Variants in NTRK3 observed in about 807,000 individuals in gnomAD.
NTRK3 encodes the protein neurotrophic receptor tyrosine kinase 3.
NTRK3 carries 24 observed loss-of-function variants against 91.7 expected under a neutral mutation model. The observed-to-expected ratio is 0.26, with a 90% CI of 0.19 to 0.37. The LOEUF (loss-of-function observed/expected upper bound fraction) is 0.37. NTRK3 is among the 10% of genes least tolerant of loss of function. The probability of loss-of-function intolerance (pLI) is 1.00; values close to 1 mark genes in which losing one functional copy is unlikely to be tolerated. For synonymous variants in NTRK3, 483 were observed against 404.0 expected, an observed-to-expected ratio of 1.20 and a Z score of -2.34; for missense variants, 880 against 1,068.9, an observed-to-expected ratio of 0.82 and a Z score of 2.46.
At chr15:88,013,952 T>TA (rs1393368103) in intron 14 of NTRK3, among the ~76,000 whole-genome samples, 3 of 152,044 alleles carry the variant, frequency 2.0e-5, no homozygotes, top group Admixed American at 2.0e-4. Flanking sequence ...TCAATTTTTT[T>TA]AAAAAAAGAC....
At chr15:88,023,170 G>C (rs1299947187) in intron 14 of NTRK3, among the ~76,000 whole-genome samples, 1 of 152,180 alleles carries the variant, frequency 6.6e-6, no homozygotes, top group Non-Finnish European at 1.5e-5. Flanking sequence ...TTGAGGCTGA[G>C]ACTCTGTGGA....
chr15:88,139,481 G>A (rs758529009), intron 6 of NTRK3, among the ~76,000 whole-genome samples: 18 of 152,136 alleles, frequency 1.2e-4, no homozygotes, highest in African/African-American at 3.4e-4. Flanking sequence ...TCAGGAAAAC[G>A]TGAGGCTCCT....
intron 14 of NTRK3, among the ~76,000 whole-genome samples, chr15:88,002,168 GTT>G (rs770668339): frequency 2.2e-3 from 157 of 70,146 alleles, no homozygotes; most frequent in South Asian, 3.9e-3. Context: ...GATAGTGGTT[GTT>G]TTTTTTTTTT....
intron 3 of NTRK3, among the ~76,000 whole-genome samples, chr15:88,249,174 G>C (rs2053123639): frequency 6.6e-6 from 1 of 152,152 alleles, no homozygotes; most frequent in Admixed American, 6.5e-5. Context: ...CAGGAGGACT[G>C]GGGGCAGAGG....
chr15:87,964,153 C>T (rs2072570850), intron 14 of NTRK3, among the ~76,000 whole-genome samples: 1 of 152,042 alleles, frequency 6.6e-6, no homozygotes, highest in South Asian at 2.1e-4. Flanking sequence ...ACATTTATAT[C>T]TGTTTGTATA....
intron 14 of NTRK3, among the ~76,000 whole-genome samples, chr15:87,952,413 G>T (rs2071215657): frequency 6.6e-6 from 1 of 152,132 alleles, no homozygotes; most frequent in Admixed American, 6.5e-5. Context: ...AGCTCTGTTG[G>T]GCTGCTCTGG....
chr15:88,230,397 C>A (rs144424986), intron 3 of NTRK3, among the ~76,000 whole-genome samples: 182 of 152,270 alleles, frequency 1.2e-3, no homozygotes, highest in Non-Finnish European at 2.1e-3. Flanking sequence ...ATTTTGGATT[C>A]AGAGATCATG....
intron 14 of NTRK3, chr15:87,979,385 T>A: frequency 6.2e-7 from 1 of 1,613,546 alleles, no homozygotes; most frequent in Non-Finnish European, 8.5e-7. Flanking sequence ...AACATTGACA[T>A]CCTCAACATA....
At chr15:88,125,891 A>G (rs2053236647) in intron 13 of NTRK3, among the ~76,000 whole-genome samples, 1 of 152,196 alleles carries the variant, frequency 6.6e-6, no homozygotes, top group African/African-American at 2.4e-5. Flanking sequence ...AACTTCAAAA[A>G]CAAGAGGAAA....
chr15:88,134,954 G>C (rs1354825425), intron 10 of NTRK3, 147 bp downstream of exon 10: 1 of 955,520 alleles, frequency 1.0e-6, no homozygotes, highest in East Asian at 2.6e-5. Context: ...GATGCGGCTG[G>C]TGGTTGCACA....
Position 88,184,114 on chromosome 15 carries a change from G to C in NTRK3, c.323+111C>G, listed in dbSNP as rs945608708. ...CTCTACCAAAAGAAGACCTGGGGGA[G>C]AAAGCACGGATGGCAGTCTTGCTGT... On this transcript the variant is annotated intron_variant, in intron 4 of 18. Coordinates refer to ENST00000394480, the Ensembl canonical transcript of NTRK3. 1.3e-5 allele frequency: 14 copies of C among 1,055,340 alleles called. No individual in the cohort carries two copies. The Admixed American group carries it at 1.8e-4, about 13-fold the overall frequency. 65.4% of individuals were successfully genotyped at this position (1,055,340 alleles called of 1,614,324 possible). A position where few individuals can be genotyped will look rare whatever the true frequency, so the allele number is the denominator to read the frequency against.
At chr15:88,231,035 G>A (rs1260478503) in intron 3 of NTRK3, among the ~76,000 whole-genome samples, 1 of 152,112 alleles carries the variant, frequency 6.6e-6, no homozygotes, top group African/African-American at 2.4e-5. Context: ...AACCAACATG[G>A]GTCTGCTGAT....
chr15:88,197,345 A>T (rs2047928871), intron 3 of NTRK3, among the ~76,000 whole-genome samples: 1 of 152,192 alleles, frequency 6.6e-6, no homozygotes, highest in South Asian at 2.1e-4. Context: ...CCAGAAGGAT[A>T]GGAGGACCTC....
At chr15:87,895,097 A>G (rs2066045849) in intron 17 of NTRK3, among the ~76,000 whole-genome samples, 1 of 152,152 alleles carries the variant, frequency 6.6e-6, no homozygotes, top group Non-Finnish European at 1.5e-5. Context: ...GAAAGATTCA[A>G]CACTAAAGCT....
chr15:88,167,788 G>A lies in NTRK3; in HGVS notation c.395+15630C>T, dbSNP rs78935673. 6.4e-3 allele frequency among the ~76,000 whole-genome samples: 977 copies of A among 152,124 alleles called. 13 individuals carry two copies. Among genetic ancestry groups the A allele is most frequent in the African/African-American group, 0.022 (919 of 41,500 alleles). ...ACAGACGCTTTGGGAGACCTAATAC[G>A]TACCTGCAGGCTCTGGGCACATCAA... On this transcript the variant is annotated intron_variant, in intron 5 of 18. Coordinates refer to ENST00000394480, the Ensembl canonical transcript of NTRK3.
chr15:88,096,727 C>G lies in NTRK3; in HGVS notation c.1396+29544G>C, dbSNP rs185231861. On this transcript the variant is annotated intron_variant, in intron 13 of 18. Transcript: ENST00000394480. ...CAGTCCCTGCATCTGCAGTGGAGAGCAACTTTGAGGCAGGTGCCACCCAGT... is the reference window on the plus strand; with the variant it reads ...CAGTCCCTGCATCTGCAGTGGAGAGGAACTTTGAGGCAGGTGCCACCCAGT... Among the ~76,000 whole-genome samples the G allele has an allele frequency of 3.7e-3, 560 of 152,264 alleles. 18 individuals are homozygous for G. The highest frequency in any genetic ancestry group is 0.032 in the Admixed American group (492 of 15,294).
At position 88,243,038 on chromosome 15, in the gene NTRK3, C is replaced by A. The variant is rs913063287; in HGVS notation, c.248+12868G>T. On this transcript the variant is annotated intron_variant, in intron 3 of 18. Coordinates refer to ENST00000394480, the Ensembl canonical transcript of NTRK3. This position sits in a 1 kb window ranked among gnomAD's most constrained non-coding sequence, Gnocchi z 4.8. ...GAGGAGGAGGAGCTGCAGCTGCAGG[C>A]CCTAAAAATTAGGCCCTTCTTTCCA... 6.6e-6 allele frequency among the ~76,000 whole-genome samples: 1 copy of A among 152,146 alleles called. No individual in the cohort carries two copies. The highest frequency in any genetic ancestry group is 1.5e-5 in the Non-Finnish European group (1 of 68,036).
chr15:88,196,782 A>G (rs2047859236), intron 3 of NTRK3, among the ~76,000 whole-genome samples: 1 of 152,212 alleles, frequency 6.6e-6, no homozygotes, highest in South Asian at 2.1e-4. Context: ...CTCTCCATTC[A>G]CATGACTTCA....
chr15:88,178,408 T>A (rs943162878), intron 5 of NTRK3, among the ~76,000 whole-genome samples: 14 of 152,214 alleles, frequency 9.2e-5, no homozygotes, highest in Non-Finnish European at 2.1e-4. Flanking sequence ...TCTTTTCCTA[T>A]CCGCACAGCA....
Sources: allele counts gnomAD v4.1 joint callset (sites outside exome capture counted in the v4.1 genomes callset), GRCh38; gene constraint gnomAD v4.1.1; non-coding constraint Gnocchi (gnomAD v3.1); transcripts MANE v1.5; gene names NCBI Gene and HGNC (gene_info 2026-07-23, HGNC 2026-07-21).